Variants in ADK observed in about 807,000 individuals in gnomAD.
ADK encodes adenosine kinase.
A neutral mutation model predicts 44.7 loss-of-function variants in ADK; 24 were observed. The observed-to-expected ratio is 0.54, with a 90% confidence interval of 0.39 to 0.76. The LOEUF (loss-of-function observed/expected upper bound fraction) is 0.76. Ranked by LOEUF, ADK falls within the 30% of genes least tolerant of loss-of-function variation. The pLI, the probability that ADK is intolerant of heterozygous loss-of-function variation, is 0.00. For synonymous variants in ADK, 128 were observed against 142.6 expected (o/e 0.90, Z 0.73); for missense variants, 321 against 425.1 (o/e 0.76, Z 2.15).
intron 4 of ADK, chr10:74,371,767 C>T (rs1186298532): frequency 3.0e-6 from 4 of 1,352,662 alleles, no homozygotes; most frequent in African/African-American, 1.4e-5. Flanking sequence ...AGTGTTATAT[C>T]CTCCAGGAAT....
intron 2 of ADK, among the ~76,000 whole-genome samples, chr10:74,224,024 G>C (rs944644696): frequency 6.6e-6 from 1 of 152,156 alleles, no homozygotes; most frequent in African/African-American, 2.4e-5. Context: ...GTTGCACTGA[G>C]TCAAGATCGT....
At chr10:74,186,436 C>T (rs1164213534) in intron 1 of ADK, among the ~76,000 whole-genome samples, 1 of 151,746 alleles carries the variant, frequency 6.6e-6, no homozygotes, top group Non-Finnish European at 1.5e-5. Flanking sequence ...TGCACCACCA[C>T]GCCTGGCTAT....
intron 6 of ADK, among the ~76,000 whole-genome samples, chr10:74,431,733 T>A (rs903665599): frequency 1.7e-5 from 2 of 120,970 alleles, no homozygotes; most frequent in African/African-American, 2.6e-5. Flanking sequence ...AGAGCAAGAC[T>A]CTGTCTCCAA....
At chr10:74,223,000 TTAAAG>T (rs1844380140) in intron 2 of ADK, among the ~76,000 whole-genome samples, 1 of 152,068 alleles carries the variant, frequency 6.6e-6, no homozygotes, top group South Asian at 2.1e-4. Flanking sequence ...ACCCTAAAAC[TTAAAG>T]TATAATAATA....
chr10:74,701,724 C>T (rs1856423051), intron 10 of ADK, among the ~76,000 whole-genome samples: 1 of 152,188 alleles, frequency 6.6e-6, no homozygotes, highest in Admixed American at 6.5e-5. Context: ...GTGGGCGGAT[C>T]ACCTTAGGTT....
At chr10:74,393,571 T>C (rs1370104257) in intron 4 of ADK, among the ~76,000 whole-genome samples, 1 of 152,228 alleles carries the variant, frequency 6.6e-6, no homozygotes, top group Non-Finnish European at 1.5e-5. Flanking sequence ...ACAGCTAATA[T>C]ATGTTGTTGA....
intron 9 of ADK, among the ~76,000 whole-genome samples, chr10:74,640,152 T>C (rs548180795): frequency 1.8e-4 from 28 of 152,274 alleles, no homozygotes; most frequent in African/African-American, 6.7e-4. Flanking sequence ...CTTGGTGCAG[T>C]AGGCATGAGA....
chr10:74,639,901 G>A (rs565216911), intron 9 of ADK, among the ~76,000 whole-genome samples: 2 of 152,234 alleles, frequency 1.3e-5, no homozygotes, highest in African/African-American at 4.8e-5. Flanking sequence ...GAGTGAGTAT[G>A]CCAGTGTGCT....
At chr10:74,459,601 C>T (rs1846088235) in intron 6 of ADK, among the ~76,000 whole-genome samples, 1 of 151,296 alleles carries the variant, frequency 6.6e-6, no homozygotes, top group African/African-American at 2.4e-5. Flanking sequence ...TGGTAGCACA[C>T]GCCTGTAGTC....
At chr10:74,557,212 C>T (rs936915866) in intron 7 of ADK, among the ~76,000 whole-genome samples, 2 of 152,078 alleles carry the variant, frequency 1.3e-5, no homozygotes. Context: ...CATAGGTCTT[C>T]AAACACAAAT....
chr10:74,403,955 T>A (rs1210928538), intron 6 of ADK, among the ~76,000 whole-genome samples: 1 of 152,202 alleles, frequency 6.6e-6, no homozygotes, highest in Non-Finnish European at 1.5e-5. Context: ...CACTGCAACC[T>A]CCGCCTCCTG....
At chr10:74,688,660 A>G (rs1263559498) in intron 10 of ADK, among the ~76,000 whole-genome samples, 2 of 152,198 alleles carry the variant, frequency 1.3e-5, no homozygotes, top group Non-Finnish European at 2.9e-5. Context: ...TACGCGTGTA[A>G]TCCCAGCACT....
chr10:74,705,086 G>C (rs894920542), intron 10 of ADK, among the ~76,000 whole-genome samples: 140 of 152,214 alleles, frequency 9.2e-4, no homozygotes, highest in African/African-American at 3.0e-3. Context: ...AATCTGACTG[G>C]GAAAAGTCTG....
chr10:74,282,839 T>C (rs1846997093), intron 3 of ADK, among the ~76,000 whole-genome samples: 2 of 152,234 alleles, frequency 1.3e-5, no homozygotes, highest in Admixed American at 6.5e-5. Context: ...TTTCTTTTGC[T>C]GTTAATTTTG....
chr10:74,238,752 A>G (rs1845074681), intron 3 of ADK, among the ~76,000 whole-genome samples: 1 of 151,762 alleles, frequency 6.6e-6, no homozygotes, highest in South Asian at 2.1e-4. Flanking sequence ...CCAGCAGGGC[A>G]CCTTTAAAAA....
At chr10:74,575,967 A>G (rs1258602350) in intron 7 of ADK, among the ~76,000 whole-genome samples, 4 of 152,188 alleles carry the variant, frequency 2.6e-5, no homozygotes, top group Non-Finnish European at 5.9e-5. Context: ...TGCATATAAA[A>G]TGGACTTGAC....
chr10:74,185,139 A>G (rs1480821766), intron 1 of ADK, among the ~76,000 whole-genome samples: 3 of 152,224 alleles, frequency 2.0e-5, no homozygotes, highest in Non-Finnish European at 4.4e-5. Context: ...AAATTGTTAT[A>G]TAAGTGTTAG....
intron 6 of ADK, among the ~76,000 whole-genome samples, chr10:74,417,228 A>G (rs1393632176): frequency 6.6e-6 from 1 of 152,202 alleles, no homozygotes; most frequent in Admixed American, 6.5e-5. Flanking sequence ...GCCAGCAATA[A>G]GCAGAATTAT....
chr10:74,471,175 C>T (rs779435746), intron 6 of ADK, among the ~76,000 whole-genome samples: 4 of 151,586 alleles, frequency 2.6e-5, no homozygotes, highest in Non-Finnish European at 4.4e-5. Flanking sequence ...CCCAGGTTCA[C>T]GCCATTCTCC....
Sources: allele counts gnomAD v4.1 joint callset (sites outside exome capture counted in the v4.1 genomes callset), GRCh38; gene constraint gnomAD v4.1.1; transcripts MANE v1.5; gene names NCBI Gene and HGNC (gene_info 2026-07-23, HGNC 2026-07-21).